The following SUCO variants were observed in gnomAD, a reference collection of about 807,000 sequenced individuals.
The protein encoded by SUCO is SUN domain-containing ossification factor.
A neutral mutation model predicts 148.1 loss-of-function variants in SUCO; 57 were observed. The observed-to-expected ratio is 0.38, with a 90% confidence interval of 0.31 to 0.48. The LOEUF (loss-of-function observed/expected upper bound fraction) is 0.48, where lower values mean the gene tolerates loss of function less well. Ranked by LOEUF, SUCO falls within the 20% of genes least tolerant of loss-of-function variation. The pLI is 0.96. For missense variants in SUCO, 1,331 were observed against 1,468.2 expected (o/e 0.91, Z 1.53); for synonymous variants, 470 against 502.7 (o/e 0.93, Z 0.87).
intron 15 of SUCO, among the ~76,000 whole-genome samples, chr1:172,579,726 C>G (rs1655735032): frequency 6.6e-6 from 1 of 152,052 alleles, no homozygotes; most frequent in Admixed American, 6.5e-5. Flanking sequence ...ATAAGATATA[C>G]TGGTGCTTTA....
At chr1:172,580,876 C>G (rs1396429041) in intron 15 of SUCO, among the ~76,000 whole-genome samples, 4 of 152,082 alleles carry the variant, frequency 2.6e-5, no homozygotes, top group Non-Finnish European at 4.4e-5. Context: ...CCTAGATAGG[C>G]GGATGACCTG....
intron 22 of SUCO, among the ~76,000 whole-genome samples, chr1:172,605,613 T>C (rs552868038): frequency 2.0e-5 from 3 of 152,004 alleles, no homozygotes; most frequent in African/African-American, 7.2e-5. Context: ...AACTTCATTC[T>C]TTTTAAAATT....
At chr1:172,585,471 A>G (rs1656174192) in intron 16 of SUCO, among the ~76,000 whole-genome samples, 1 of 152,100 alleles carries the variant, frequency 6.6e-6, no homozygotes, top group African/African-American at 2.4e-5. Context: ...ACAGATGATA[A>G]TATTTTTGGC....
chr1:172,555,518 T>G (rs1290322866), intron 3 of SUCO, among the ~76,000 whole-genome samples: 1 of 152,200 alleles, frequency 6.6e-6, no homozygotes, highest in Admixed American at 6.5e-5. Context: ...GAACTATGTA[T>G]TGTACTGTTT....
chr1:172,547,815 G>T (rs994312632), intron 1 of SUCO, among the ~76,000 whole-genome samples: 6 of 152,102 alleles, frequency 3.9e-5, no homozygotes, highest in African/African-American at 1.4e-4. Flanking sequence ...TACTGAAGTT[G>T]ATACCTGTAT....
intron 1 of SUCO, 46 bp downstream of exon 1, chr1:172,533,543 G>T: frequency 6.7e-7 from 1 of 1,496,930 alleles, no homozygotes; most frequent in Non-Finnish European, 9.0e-7. Context: ...GGGAGTAAAT[G>T]GGAGGGAGCA....
rs906407452 is a variant in SUCO, at chr1:172,611,168, A to G, written c.*909A>G. 1.3e-5 allele frequency: 2 copies of G among 152,656 alleles called. No homozygotes were observed. Among genetic ancestry groups the G allele is most frequent in the Non-Finnish European group, 2.9e-5 (2 of 68,040 alleles). The allele number at this position is 152,656 out of a possible 1,614,324, so 9.5% of individuals were successfully genotyped here. On this transcript the variant is annotated 3_prime_UTR_variant, in exon 24 of 24. Transcript: ENST00000263688. Reference sequence around the variant, plus strand: ...TTAGTACAAGTCTCATGATATAATCACTGCCTGCATACATATGCACAGATC... The same window carrying G: ...TTAGTACAAGTCTCATGATATAATCGCTGCCTGCATACATATGCACAGATC...
chr1:172,590,690 A>G (rs1656589491), intron 18 of SUCO, among the ~76,000 whole-genome samples: 1 of 152,132 alleles, frequency 6.6e-6, no homozygotes, highest in Non-Finnish European at 1.5e-5. Context: ...TAATCCATAC[A>G]TAGAATTAAT....
rs777684516 is a variant in SUCO at position 172,589,146 on chromosome 1, G to A, written c.2045G>A (p.Ser682Asn). ...SVDVSVLQPLSGELENTNIER... is the reference protein window; with the variant it reads ...SVDVSVLQPLNGELENTNIER... ...GATGTTTCAGTATTGCAACCTCTGA[G>A]TGGAGAATTGGAAAATACGAATATA... is the stretch of plus-strand genomic sequence containing the variant. The change falls in exon 18 of 24, where the codon AGT becomes AAT. Residue 682 changes from serine to asparagine, a missense_variant. By Grantham distance (46) the Ser-to-Asn change is conservative. Coordinates refer to ENST00000263688, the MANE Select transcript of SUCO (RefSeq NM_014283.5). 4.3e-6 allele frequency: 7 copies of A among 1,613,856 alleles called. No homozygotes were observed. In the South Asian group the frequency reaches 5.5e-5, roughly 13 times the overall value.
chr1:172,597,371 G>A lies in SUCO; in HGVS notation c.2914-2693G>A, dbSNP rs762599948. ...ACCCGTCTTCTGCGTCGCTGATGCT[G>A]GGGGCTGTAGACTGGAGCTGTTCCT... On this transcript the variant is annotated intron_variant, in intron 19 of 23. Coordinates refer to ENST00000263688, the MANE Select transcript of SUCO (RefSeq NM_014283.5). 2.6e-5 allele frequency among the ~76,000 whole-genome samples: 4 copies of A among 152,220 alleles called. No homozygotes were observed. The East Asian group carries it at 7.7e-4, about 29-fold the overall frequency.
chr1:172,575,647 A>G (rs773093787), intron 11 of SUCO, 24 bp downstream of exon 11: 11 of 1,456,028 alleles, frequency 7.6e-6, no homozygotes, highest in South Asian at 1.2e-5. Context: ...ATACAGGACT[A>G]TGTTCTATAA....
At chr1:172,568,491 C>A in intron 6 of SUCO, 1 of 920,504 alleles carries the variant, frequency 1.1e-6, no homozygotes, top group Non-Finnish European at 1.3e-6. Flanking sequence ...ATCTTATTAA[C>A]ATGATTTATA....
chr1:172,591,900 T>C (rs1478519279), intron 19 of SUCO, among the ~76,000 whole-genome samples: 1 of 152,230 alleles, frequency 6.6e-6, no homozygotes, highest in Non-Finnish European at 1.5e-5. Context: ...CAACCAGCAA[T>C]GTAACAGTGT....
At chr1:172,536,443 C>G (rs1269109836) in intron 1 of SUCO, among the ~76,000 whole-genome samples, 2 of 152,144 alleles carry the variant, frequency 1.3e-5, no homozygotes, top group African/African-American at 4.8e-5. Flanking sequence ...ATCTTTGTAA[C>G]ACAGTAACAG....
At chr1:172,571,239 T>C (rs1008720367) in intron 9 of SUCO, among the ~76,000 whole-genome samples, 1 of 152,232 alleles carries the variant, frequency 6.6e-6, no homozygotes, top group Non-Finnish European at 1.5e-5. Flanking sequence ...TCGTATTTTT[T>C]TGGTGGAGAC....
At position 172,589,624 on chromosome 1, in the gene SUCO, C is replaced by T. The variant is rs368796885; in HGVS notation, c.2523C>T (p.Ala841=). Residue 841 remains alanine, a synonymous_variant, in exon 18 of 24, where the codon GCC becomes GCT. Transcript: ENST00000263688. ...TACCCGACAATGAAGATGGGGAAGC[C>T]AAAATGAATATAGCTGACACAGCAA... ...ATVPDNEDGE[A]KMNIADTAKQ... 1.5e-5 allele frequency: 25 copies of T among 1,613,688 alleles called. No homozygotes were observed. The East Asian group carries it at 5.1e-4, about 33-fold the overall frequency.
chr1:172,588,209 C>G (rs1264413168), intron 17 of SUCO: 1 of 985,042 alleles, frequency 1.0e-6, no homozygotes, highest in East Asian at 1.1e-4. Context: ...TATTGGAGTT[C>G]CTCAAATCAT....
intron 6 of SUCO, among the ~76,000 whole-genome samples, chr1:172,562,303 A>T (rs1470021178): frequency 6.6e-6 from 1 of 151,670 alleles, no homozygotes; most frequent in South Asian, 2.1e-4. Context: ...GCAAATTAAC[A>T]TTTTAAGAAA....
intron 15 of SUCO, chr1:172,584,349 G>A (rs980596639): frequency 4.3e-6 from 4 of 939,586 alleles, no homozygotes; most frequent in Admixed American, 6.2e-5. Flanking sequence ...AGGTTTTTCT[G>A]TAAAATAAGA....
Sources: allele counts gnomAD v4.1 joint callset (sites outside exome capture counted in the v4.1 genomes callset), GRCh38; gene constraint gnomAD v4.1.1; transcripts MANE v1.5; gene names NCBI Gene and HGNC (gene_info 2026-07-23, HGNC 2026-07-21).